PTGFRN: variants seen among roughly 807,000 people sequenced by gnomAD.
The protein encoded by PTGFRN is prostaglandin F2 receptor inhibitor, also known as prostaglandin F2 receptor negative regulator.
Under a neutral mutation model 83.2 loss-of-function variants are expected in PTGFRN, and 35 were observed. The ratio of observed to expected loss-of-function variants is 0.42; its 90% confidence interval spans 0.32 to 0.56. The LOEUF is 0.56. Among genes scored for constraint, PTGFRN ranks in the 20% least tolerant of loss-of-function variants. The pLI is 0.11. For synonymous variants in PTGFRN, 519 were observed against 498.6 expected (o/e 1.04, Z -0.55); for missense variants, 1,051 against 1,179.5 (o/e 0.89, Z 1.60).
intron 4 of PTGFRN, among the ~76,000 whole-genome samples, chr1:116,960,252 G>A (rs1036913552): frequency 5.3e-5 from 8 of 152,310 alleles, no homozygotes; most frequent in East Asian, 1.9e-4. Context: ...TCACAGTGGC[G>A]TGAGACTGTG....
chr1:116,930,394 C>A (rs919627567), intron 1 of PTGFRN, among the ~76,000 whole-genome samples: 1 of 152,118 alleles, frequency 6.6e-6, no homozygotes, highest in African/African-American at 2.4e-5. Context: ...AATCTGTCTC[C>A]CGATGGTGTC....
intron 1 of PTGFRN, among the ~76,000 whole-genome samples, chr1:116,931,898 C>T (rs1224240598): frequency 6.6e-6 from 1 of 152,098 alleles, no homozygotes; most frequent in Non-Finnish European, 1.5e-5. Flanking sequence ...GAATTAGGCA[C>T]CCATTTACAA....
At chr1:116,942,867 A>G (rs1650095168) in intron 2 of PTGFRN, among the ~76,000 whole-genome samples, 1 of 152,232 alleles carries the variant, frequency 6.6e-6, no homozygotes, top group South Asian at 2.1e-4. Context: ...AGGGCAGAAT[A>G]TTTCCCTAAT....
At chr1:116,917,288 C>T (rs975634121) in intron 1 of PTGFRN, among the ~76,000 whole-genome samples, 9 of 149,496 alleles carry the variant, frequency 6.0e-5, no homozygotes, top group African/African-American at 1.3e-4. Context: ...GCTCAGGGCA[C>T]GGCAGAACCA....
chr1:116,933,801 A>C (rs1649855994), intron 1 of PTGFRN, among the ~76,000 whole-genome samples: 1 of 152,148 alleles, frequency 6.6e-6, no homozygotes, highest in African/African-American at 2.4e-5. Flanking sequence ...GTTAGCCATC[A>C]GTTGTATTCC....
rs552762055 is a variant in PTGFRN, at chr1:116,923,875, G to T, written c.49+13623G>T. On this transcript the variant is annotated intron_variant, in intron 1 of 8. Transcript: ENST00000393203. The surrounding 1 kb of genome is among the most constrained non-coding windows in gnomAD (Gnocchi z 4.0). ...GTCGAGCATTATTCTGGATCTGGGG[G>T]CACCTAAAAACATAGATCGACACAG... Among the ~76,000 whole-genome samples, 1 of 152,064 alleles carries T rather than the reference G, an allele frequency of 6.6e-6. No homozygotes were observed. Among genetic ancestry groups the T allele is most frequent in the African/African-American group, 2.4e-5 (1 of 41,396 alleles).
intron 5 of PTGFRN, among the ~76,000 whole-genome samples, chr1:116,963,835 G>T (rs1455964396): frequency 6.6e-6 from 1 of 151,358 alleles, no homozygotes; most frequent in Non-Finnish European, 1.5e-5. Context: ...GCAGTGGCAT[G>T]ATAATGGCTT....
At chr1:116,910,563 T>C (rs1205056235) in intron 1 of PTGFRN, among the ~76,000 whole-genome samples, 1 of 151,910 alleles carries the variant, frequency 6.6e-6, no homozygotes, top group Admixed American at 6.5e-5. Context: ...CCCTACCTGT[T>C]GGCCGCCGGG....
rs369475947 is a variant in PTGFRN, at chr1:116,919,267, T to C, written c.49+9015T>C. 3.9e-5 allele frequency among the ~76,000 whole-genome samples: 6 copies of C among 152,308 alleles called. No individual in the cohort carries two copies. The East Asian group carries it at 7.7e-4, about 20-fold the overall frequency. On this transcript the variant is annotated intron_variant, in intron 1 of 8. Transcript: ENST00000393203. ...GTTGTGGGGAAAAGGCAGTAACCTA[T>C]GACTAAGATGAATTGGGGGTTGGGG... is the stretch of plus-strand genomic sequence containing the variant.
chr1:116,946,736 T>A (rs1650211047), intron 3 of PTGFRN, among the ~76,000 whole-genome samples: 1 of 152,226 alleles, frequency 6.6e-6, no homozygotes, highest in Non-Finnish European at 1.5e-5. Context: ...AATTAACATG[T>A]TTTAATTCAT....
intron 7 of PTGFRN, among the ~76,000 whole-genome samples, chr1:116,979,085 CAGAG>C (rs1048114641): frequency 6.6e-6 from 1 of 152,072 alleles, no homozygotes; most frequent in Non-Finnish European, 1.5e-5. Context: ...AACAGACAAA[CAGAG>C]AGCCAAATCA....
chr1:116,965,971 A>G (rs1488827250), intron 5 of PTGFRN, among the ~76,000 whole-genome samples: 1 of 152,242 alleles, frequency 6.6e-6, no homozygotes, highest in African/African-American at 2.4e-5. Context: ...GAGAGTTCTT[A>G]ATATACATGT....
Position 116,944,898 on chromosome 1 carries a change from A to C in PTGFRN, c.638A>C (p.Gln213Pro). ...TTCCACCCGGGCCTGGGGTACGAGC[A>C]GCGCTACCACAGTGGGGACGTGCGC... The part of the protein sequence containing the change: ...GRFHPGLGYE[Q>P]RYHSGDVRLD... The change falls in exon 3 of 9, where the codon CAG becomes CCG. Residue 213 changes from glutamine to proline, a missense_variant. By Grantham distance (76) the Gln-to-Pro change is moderately conservative (BLOSUM62 -1). Transcript: ENST00000393203. The C allele has an allele frequency of 6.2e-7, 1 of 1,611,748 alleles. No individual in the cohort carries two copies. The highest frequency in any genetic ancestry group is 1.1e-5 in the South Asian group (1 of 91,014).
chr1:116,941,908 G>A lies in PTGFRN; in HGVS notation c.243G>A (p.Gln81=). The A allele has an allele frequency of 6.2e-7, 1 of 1,614,194 alleles. No individual in the cohort carries two copies. The highest frequency in any genetic ancestry group is 8.5e-7 in the Non-Finnish European group (1 of 1,180,022). ...CCTGGGAGGTGGGGTTCCCAGCCCAGCTGTACCAGGAGCGGCTGCAGAGGG... is the reference window on the plus strand; with the variant it reads ...CCTGGGAGGTGGGGTTCCCAGCCCAACTGTACCAGGAGCGGCTGCAGAGGG... ...ASTWEVGFPA[Q]LYQERLQRGE... The change falls in exon 2 of 9, where the codon CAG becomes CAA. Residue 81 remains glutamine (Q), a synonymous_variant. Coordinates refer to ENST00000393203, the MANE Select transcript of PTGFRN (RefSeq NM_020440.4). This position sits in a 1 kb window ranked among gnomAD's most constrained non-coding sequence, Gnocchi z 5.0.
rs1650572331 is a variant in PTGFRN at position 116,958,949 on chromosome 1, C to CGGT, written c.1214-2294_1214-2293insGGT. 6.6e-6 allele frequency among the ~76,000 whole-genome samples: 1 copy of CGGT among 152,218 alleles called. No homozygotes were observed. Among genetic ancestry groups the CGGT allele is most frequent in the Middle Eastern group, 3.2e-3 (1 of 316 alleles). On this transcript the variant is annotated intron_variant, in intron 4 of 8. Transcript: ENST00000393203. The surrounding 1 kb of genome is among the most constrained non-coding windows in gnomAD (Gnocchi z 4.9). ...AAGAGCCACTGCTGGCTGCTGCCTA[C>CGGT]AGATAGTTGATGCTCAGTGTTCTGG...
intron 1 of PTGFRN, among the ~76,000 whole-genome samples, chr1:116,916,565 C>G (rs1239012753): frequency 3.3e-5 from 5 of 152,200 alleles, no homozygotes; most frequent in African/African-American, 1.2e-4. Flanking sequence ...TGTCATGATA[C>G]TGATACCCAC....
chr1:116,924,692 G>A (rs906497021), intron 1 of PTGFRN, among the ~76,000 whole-genome samples: 23 of 152,218 alleles, frequency 1.5e-4, no homozygotes, highest in African/African-American at 5.5e-4. Context: ...ATTGAGCCTG[G>A]TGAAGGGCTA....
chr1:116,944,709 G>C lies in PTGFRN; in HGVS notation c.449G>C (p.Ser150Thr). The C allele has an allele frequency of 7.0e-7, 1 of 1,420,914 alleles. No homozygotes were observed. The highest frequency in any genetic ancestry group is 2.8e-5 in the East Asian group (1 of 35,518). The allele number at this position is 1,420,914 out of a possible 1,614,324, so 88.0% of individuals were successfully genotyped here. A position where few individuals can be genotyped will look rare whatever the true frequency, so the allele number is the denominator to read the frequency against. ...VLADSLHVGPSARPPPSLSLR... is the reference protein window; with the variant it reads ...VLADSLHVGPTARPPPSLSLR... Reference sequence around the variant, plus strand: ...GCCGACTCCCTGCACGTGGGCCCCAGCGCGCGGCCCCCGCCGAGCCTGAGC... The same window carrying C: ...GCCGACTCCCTGCACGTGGGCCCCACCGCGCGGCCCCCGCCGAGCCTGAGC... Residue 150 changes from serine to threonine, a missense_variant, in exon 3 of 9, where the codon AGC (serine) becomes ACC (threonine). Coordinates refer to ENST00000393203, the MANE Select transcript of PTGFRN (RefSeq NM_020440.4).
chr1:116,960,571 C>G (rs1248098541), intron 4 of PTGFRN, among the ~76,000 whole-genome samples: 1 of 152,166 alleles, frequency 6.6e-6, no homozygotes, highest in Admixed American at 6.5e-5. Context: ...CACAGTGACA[C>G]AGGTGAGTTA....
Sources: gnomAD v4.1 joint callset for allele counts (sites outside exome capture counted in the v4.1 genomes callset) on GRCh38, gnomAD v4.1.1 for gene constraint, Gnocchi (gnomAD v3.1) non-coding constraint, MANE v1.5 for transcripts, NCBI Gene and HGNC (gene_info 2026-07-23, HGNC 2026-07-21) for gene names.